The following EP400 variants were observed in gnomAD, a reference collection of about 807,000 sequenced individuals.
The protein encoded by EP400 is E1A-binding protein p400.
In EP400, 105 loss-of-function variants were observed where a neutral mutation model predicts 354.1. The ratio of observed to expected loss-of-function variants is 0.30; its 90% CI spans 0.25 to 0.35. EP400 has a LOEUF of 0.35. Among genes scored for constraint, EP400 ranks in the 10% least tolerant of loss-of-function variants. The probability of loss-of-function intolerance (pLI) is 1.00; values close to 1 mark genes in which losing one functional copy is unlikely to be tolerated. For synonymous variants in EP400, 1,646 were observed against 1,716.9 expected (o/e 0.96, Z 1.02); for missense variants, 3,280 against 4,121.0 (o/e 0.80, Z 5.59).
intron 39 of EP400, among the ~76,000 whole-genome samples, chr12:132,049,012 T>C (rs902442056): frequency 1.3e-5 from 2 of 152,350 alleles, no homozygotes; most frequent in East Asian, 1.9e-4. Flanking sequence ...CATGCCTCTT[T>C]GCATTAGAGG....
intron 1 of EP400, among the ~76,000 whole-genome samples, chr12:131,950,538 C>T (rs934813927): frequency 6.6e-6 from 1 of 152,162 alleles, no homozygotes; most frequent in East Asian, 1.9e-4. Context: ...CTTAAGGACC[C>T]CGCGTCCCGG....
rs1475053157 is a variant in EP400 at position 132,025,671 on chromosome 12, C to T, written c.4881C>T (p.Ala1627=). 2 of 1,610,410 alleles carry T rather than the reference C, an allele frequency of 1.2e-6. No individual in the cohort carries two copies. The highest frequency in any genetic ancestry group is 2.7e-5 in the African/African-American group (2 of 74,860). The change falls in exon 25 of 53, where the codon GCC becomes GCT. Residue 1627 remains alanine, a synonymous_variant. Coordinates refer to ENST00000389561, the MANE Select transcript of EP400 (RefSeq NM_015409.5). The surrounding 1 kb of genome is among the most constrained non-coding windows in gnomAD (Gnocchi z 4.1). ...LQGSVLQIVS[A]PGQPYLRAPG... is the part of the protein sequence containing the mutation. Reference sequence around the variant, plus strand: ...GCAGCGTCCTCCAGATCGTGTCCGCCCCCGGGCAGCCCTACCTTCGAGCCC... The same window carrying T: ...GCAGCGTCCTCCAGATCGTGTCCGCTCCCGGGCAGCCCTACCTTCGAGCCC...
At chr12:131,979,671 C>A (rs1225864588) in intron 2 of EP400, 23 bp from the exon 3 acceptor site, 5 of 1,596,910 alleles carry the variant, frequency 3.1e-6, no homozygotes, top group Non-Finnish European at 4.3e-6. Flanking sequence ...ATCAAAATCT[C>A]ATTTTTTCAT....
intron 21 of EP400, among the ~76,000 whole-genome samples, chr12:132,019,307 G>C (rs933660627): frequency 2.6e-5 from 4 of 152,202 alleles, no homozygotes; most frequent in African/African-American, 9.7e-5. Context: ...CCCCCAAAGT[G>C]GTAGAATTAC....
chr12:132,055,683 G>C (rs1005309630), intron 45 of EP400, among the ~76,000 whole-genome samples: 4 of 147,506 alleles, frequency 2.7e-5, no homozygotes, highest in African/African-American at 1.0e-4. Context: ...AGGTGTAGGG[G>C]GGCGTGTGTG....
chr12:131,996,495 G>A (rs1243982681), intron 12 of EP400, among the ~76,000 whole-genome samples: 1 of 152,032 alleles, frequency 6.6e-6, no homozygotes, highest in Non-Finnish European at 1.5e-5. Flanking sequence ...GTTTCACCAT[G>A]TTAGCCAGGA....
chr12:131,968,781 T>C (rs749347230), intron 2 of EP400, among the ~76,000 whole-genome samples: 25 of 152,198 alleles, frequency 1.6e-4, no homozygotes, highest in Non-Finnish European at 3.1e-4. Flanking sequence ...ATACCATATA[T>C]TTTCTTAGGT....
intron 2 of EP400, among the ~76,000 whole-genome samples, chr12:131,974,797 G>C (rs552671204): frequency 1.3e-5 from 2 of 152,052 alleles, no homozygotes; most frequent in South Asian, 4.2e-4. Flanking sequence ...AAACCAGCCT[G>C]GTCAACATAG....
rs200606240 is a variant in EP400 at position 132,076,600 on chromosome 12, C to T, written c.9099+7C>T. On this transcript the variant is annotated splice_region_variant and intron_variant, in intron 52 of 52. Coordinates refer to ENST00000389561, the MANE Select transcript of EP400 (RefSeq NM_015409.5). ...TGCCTCTGCTTCCCAGCAGGTAGGA[C>T]GCATAGACAAAGTGGAAACCTCACA... 7.5e-6 allele frequency: 12 copies of T among 1,603,890 alleles called. No individual in the cohort carries two copies. Among genetic ancestry groups the T allele is most frequent in the South Asian group, 2.2e-5 (2 of 90,468 alleles).
In EP400 at chr12:131,994,441, C is replaced by T. The variant is rs567000282; in HGVS notation, c.2738-426C>T. Among the ~76,000 whole-genome samples, 10 of 151,980 alleles carry T rather than the reference C, an allele frequency of 6.6e-5. No individual in the cohort carries two copies. The highest frequency in any genetic ancestry group is 6.3e-4 in the South Asian group (3 of 4,798). On this transcript the variant is annotated intron_variant, in intron 11 of 52. Coordinates refer to ENST00000389561, the MANE Select transcript of EP400 (RefSeq NM_015409.5). This position sits in a 1 kb window ranked among gnomAD's most constrained non-coding sequence, Gnocchi z 4.6. ...TTCAGGGCTGGAGGGCTGAAGAGAG[C>T]GGAGTGGGCTTGGGTTGGTGATTGT...
At chr12:132,035,350 C>T (rs1327696629) in intron 30 of EP400, among the ~76,000 whole-genome samples, 1 of 152,218 alleles carries the variant, frequency 6.6e-6, no homozygotes. Flanking sequence ...GTCACTGGGG[C>T]ACAGCCATCC....
Position 132,038,773 on chromosome 12 carries a change from C to T in EP400, c.6207+677C>T, listed in dbSNP as rs550359182. Among the ~76,000 whole-genome samples the T allele has an allele frequency of 3.9e-5, 6 of 152,146 alleles. No individual in the cohort carries two copies. The highest frequency in any genetic ancestry group is 9.7e-5 in the African/African-American group (4 of 41,426). On this transcript the variant is annotated intron_variant, in intron 32 of 52. Coordinates refer to ENST00000389561, the MANE Select transcript of EP400 (RefSeq NM_015409.5). The surrounding 1 kb of genome is among the most constrained non-coding windows in gnomAD (Gnocchi z 4.2). ...TCCCTCCCTGTCCCCGTGGCTTGCC[C>T]GCCAAAGCCCTGCAGCCCCACGTCC...
Position 132,013,782 on chromosome 12 carries a change from A to T in EP400, c.3792A>T (p.Thr1264=), listed in dbSNP as rs755925400. ...TAAACAGTTTTTATTTTCAGGTGAC[A>T]CAGCCATTTATTTTGAGGAGAACTA... ...HKVVIRLHRV[T]QPFILRRTKR... is the part of the protein sequence containing the mutation. Residue 1264 remains threonine, a synonymous_variant, in exon 19 of 53, where the codon ACA becomes ACT. Transcript: ENST00000389561. The surrounding 1 kb of genome is among the most constrained non-coding windows in gnomAD (Gnocchi z 4.5). The T allele has an allele frequency of 9.9e-6, 16 of 1,613,308 alleles. 1 individual carries two copies. The South Asian group carries it at 1.7e-4, about 17-fold the overall frequency.
chr12:132,032,093 C>T lies in EP400; in HGVS notation c.5895C>T (p.Ala1965=). Residue 1965 remains alanine, a synonymous_variant, in exon 30 of 53, where the codon GCC becomes GCT. Transcript: ENST00000389561. ...YDNDLNPVMD[A]KAQEWCDRIG... ...ATGACCTGAATCCAGTGATGGATGC[C>T]AAAGCTCAGGAGTGGTGCGATAGGA... The T allele has an allele frequency of 6.2e-7, 1 of 1,614,082 alleles. No homozygotes were observed. The highest frequency in any genetic ancestry group is 8.5e-7 in the Non-Finnish European group (1 of 1,180,010).
Position 132,045,229 on chromosome 12 carries a change from A to G in EP400, c.6785-90A>G, listed in dbSNP as rs1223971724. ...GTGGCCTCTTTGCCCAGGCACCTCCAGACTTGCCTGACCTGTTTCCTTTGT... is the reference window on the plus strand; with the variant it reads ...GTGGCCTCTTTGCCCAGGCACCTCCGGACTTGCCTGACCTGTTTCCTTTGT... On this transcript the variant is annotated intron_variant, in intron 37 of 52. Transcript: ENST00000389561. The G allele has an allele frequency of 5.2e-6, 8 of 1,549,354 alleles. No homozygotes were observed. In the African/African-American group the frequency reaches 6.8e-5, roughly 13 times the overall value.
intron 9 of EP400, among the ~76,000 whole-genome samples, chr12:131,991,193 A>G (rs1893021461): frequency 1.3e-5 from 2 of 152,180 alleles, no homozygotes; most frequent in Non-Finnish European, 2.9e-5. Flanking sequence ...ATTGATGAGG[A>G]ACCCGAGGCT....
chr12:131,962,011 G>A, intron 2 of EP400, 57 bp downstream of exon 2: 3 of 1,521,798 alleles, frequency 2.0e-6, no homozygotes, highest in Admixed American at 2.1e-5. Context: ...CAGAGTCTAT[G>A]CGACAATGAA....
rs34538440 is a variant in EP400 at position 132,018,161 on chromosome 12, CT to C, written c.4111-42del. On this transcript the variant is annotated intron_variant, in intron 20 of 52. Transcript: ENST00000389561. The surrounding 1 kb of genome is among the most constrained non-coding windows in gnomAD (Gnocchi z 4.0). Reference sequence around the variant, plus strand: ...AGAAATCAGTTTTGATTCTTAGGTGCTTTTTTTGCCTCTTCATGCAGCAAGA... The same window carrying C: ...AGAAATCAGTTTTGATTCTTAGGTGCTTTTTTGCCTCTTCATGCAGCAAGA... 4 of 1,598,988 alleles carry C rather than the reference CT, an allele frequency of 2.5e-6. No homozygotes were observed. The highest frequency in any genetic ancestry group is 3.6e-5 in the Admixed American group (2 of 55,284).
At chr12:131,992,879 T>G (rs1893086232) in intron 11 of EP400, among the ~76,000 whole-genome samples, 1 of 152,154 alleles carries the variant, frequency 6.6e-6, no homozygotes, top group Admixed American at 6.5e-5. Context: ...TCAGTGTGGT[T>G]TTATTGGCTT....
Sources: gnomAD v4.1 joint callset for allele counts (sites outside exome capture counted in the v4.1 genomes callset) on GRCh38, gnomAD v4.1.1 for gene constraint, Gnocchi (gnomAD v3.1) non-coding constraint, MANE v1.5 for transcripts, NCBI Gene and HGNC (gene_info 2026-07-23, HGNC 2026-07-21) for gene names.